CIAPIN1: variants seen among roughly 807,000 people sequenced by gnomAD.
CIAPIN1 encodes the protein anamorsin.
In CIAPIN1, 18 loss-of-function variants were observed where a neutral mutation model predicts 34.3. That is an observed-to-expected ratio of 0.52 (90% CI 0.36 to 0.78). The LOEUF is 0.78. Among genes scored for constraint, CIAPIN1 ranks in the 30% least tolerant of loss-of-function variants. CIAPIN1 has a pLI of 0.00. For missense variants in CIAPIN1, 310 were observed against 372.5 expected, an observed-to-expected ratio of 0.83 and a Z score of 1.38; for synonymous variants, 131 against 140.4, an observed-to-expected ratio of 0.93 and a Z score of 0.47.
chr16:57,445,203 T>A (rs1323434322), intron 1 of CIAPIN1, among the ~76,000 whole-genome samples: 1 of 152,034 alleles, frequency 6.6e-6, no homozygotes, highest in Non-Finnish European at 1.5e-5. Context: ...GAAAGGAAAA[T>A]CCTAATTAAA....
At chr16:57,429,657 A>G (rs373080030) in intron 8 of CIAPIN1, among the ~76,000 whole-genome samples, 4 of 151,438 alleles carry the variant, frequency 2.6e-5, no homozygotes. Context: ...ATGCCCGGCA[A>G]ATTTTTTTGT....
At chr16:57,432,220 A>G (rs138777889) in intron 6 of CIAPIN1, among the ~76,000 whole-genome samples, 11 of 152,264 alleles carry the variant, frequency 7.2e-5, no homozygotes, top group African/African-American at 2.4e-4. Flanking sequence ...AGGCTGAAAC[A>G]TGAGAATCGC....
intron 1 of CIAPIN1, among the ~76,000 whole-genome samples, chr16:57,442,897 C>T (rs540655677): frequency 6.6e-6 from 1 of 152,220 alleles, no homozygotes; most frequent in African/African-American, 2.4e-5. Context: ...TCCCACCATT[C>T]CAAAGTGATC....
chr16:57,447,275 A>C, intron 1 of CIAPIN1, 67 bp downstream of exon 1: 3 of 382,380 alleles, frequency 7.8e-6, no homozygotes, highest in Non-Finnish European at 4.6e-6. Context: ...GGATGTGGGA[A>C]CGAGGGTGGG....
chr16:57,429,801 T>A (rs1903045377), intron 8 of CIAPIN1, among the ~76,000 whole-genome samples: 1 of 150,882 alleles, frequency 6.6e-6, no homozygotes, highest in African/African-American at 2.4e-5. Context: ...CTTTTTTTTT[T>A]TTTGAGATGG....
chr16:57,430,854 C>CTGG (rs1281828689), intron 7 of CIAPIN1, among the ~76,000 whole-genome samples: 1 of 152,154 alleles, frequency 6.6e-6, no homozygotes, highest in African/African-American at 2.4e-5. Flanking sequence ...TAGTGGCTTA[C>CTGG]TGGTAGGGTT....
rs186520821 is a variant in CIAPIN1, at chr16:57,446,413, T to C, written c.-56+929A>G. Among the ~76,000 whole-genome samples, 111 of 152,302 alleles carry C rather than the reference T, an allele frequency of 7.3e-4. 1 individual carries two copies. The highest frequency in any genetic ancestry group is 6.8e-3 in the Middle Eastern group (2 of 294). ...CACCCGTGCAGGGGGGAGCCGGATA[T>C]TCTGAAAAGACTAGATTTGACAAGG... On this transcript the variant is annotated intron_variant, in intron 1 of 8. Coordinates refer to ENST00000394391, the MANE Select transcript of CIAPIN1 (RefSeq NM_020313.4).
chr16:57,430,046 AAGC>A (rs1271209732), intron 8 of CIAPIN1, among the ~76,000 whole-genome samples: 1 of 152,170 alleles, frequency 6.6e-6, no homozygotes, highest in African/African-American at 2.4e-5. Flanking sequence ...CAAAAATAAA[AAGC>A]AACAAGACCC....
chr16:57,442,130 G>A (rs538222717), intron 1 of CIAPIN1, among the ~76,000 whole-genome samples: 1 of 152,308 alleles, frequency 6.6e-6, no homozygotes, highest in African/African-American at 2.4e-5. Flanking sequence ...CGAATTGCCT[G>A]AGCCCAGGAG....
At chr16:57,441,068 G>A in intron 1 of CIAPIN1, 85 bp from the exon 2 acceptor site, 2 of 775,220 alleles carry the variant, frequency 2.6e-6, no homozygotes, top group South Asian at 1.9e-5. Flanking sequence ...CCGCCCACTA[G>A]GGAATGCTGA....
intron 2 of CIAPIN1, among the ~76,000 whole-genome samples, 160 bp from the exon 3 acceptor site, chr16:57,439,494 C>T (rs149105405): frequency 5.3e-5 from 8 of 152,148 alleles, no homozygotes; most frequent in Non-Finnish European, 1.2e-4. Flanking sequence ...TTTAAAAAAA[C>T]ATGGAATAGC....
intron 6 of CIAPIN1, chr16:57,431,617 T>A (rs1567570001): frequency 1.1e-5 from 2 of 174,836 alleles, no homozygotes. Flanking sequence ...AAGAGAGAAG[T>A]GTTTATGAAG....
intron 5 of CIAPIN1, among the ~76,000 whole-genome samples, chr16:57,432,991 A>G (rs1333358735): frequency 6.6e-6 from 1 of 152,250 alleles, no homozygotes; most frequent in Non-Finnish European, 1.5e-5. Context: ...ATTCTATAAC[A>G]TGAAGTTAAA....
intron 8 of CIAPIN1, among the ~76,000 whole-genome samples, chr16:57,429,535 A>G (rs1254616930): frequency 6.6e-6 from 1 of 152,002 alleles, no homozygotes; most frequent in African/African-American, 2.4e-5. Context: ...TCTGTCACCC[A>G]GGCTGGAGTG....
chr16:57,435,662 C>T (rs1050190652), intron 4 of CIAPIN1, among the ~76,000 whole-genome samples: 3 of 152,102 alleles, frequency 2.0e-5, no homozygotes, highest in Admixed American at 6.6e-5. Flanking sequence ...GGTGTGGTGG[C>T]GCACGCCTGT....
At chr16:57,431,706 AT>A (rs1343938525) in intron 6 of CIAPIN1, among the ~76,000 whole-genome samples, 3 of 152,230 alleles carry the variant, frequency 2.0e-5, no homozygotes, top group Non-Finnish European at 4.4e-5. Context: ...CCTTTATGTA[AT>A]TCTTTGTAAA....
At chr16:57,430,999 A>ATTTT in intron 7 of CIAPIN1, 152 bp downstream of exon 7, 1 of 420,844 alleles carries the variant, frequency 2.4e-6, no homozygotes, top group Non-Finnish European at 4.3e-6. Context: ...TGCCTGGCTA[A>ATTTT]TTTTTTTTTT....
At chr16:57,437,934 CT>C (rs1903241683) in intron 3 of CIAPIN1, among the ~76,000 whole-genome samples, 2 of 152,108 alleles carry the variant, frequency 1.3e-5, no homozygotes, top group African/African-American at 4.8e-5. Context: ...TCACTCTCTG[CT>C]TCTTGAAACC....
intron 1 of CIAPIN1, among the ~76,000 whole-genome samples, chr16:57,443,731 A>G (rs1174760415): frequency 6.6e-6 from 1 of 152,178 alleles, no homozygotes; most frequent in African/African-American, 2.4e-5. Context: ...GATTACAGAC[A>G]TGAGCCACCG....
Sources: gnomAD v4.1 joint callset for allele counts (sites outside exome capture counted in the v4.1 genomes callset) on GRCh38, gnomAD v4.1.1 for gene constraint, MANE v1.5 for transcripts, NCBI Gene and HGNC (gene_info 2026-07-23, HGNC 2026-07-21) for gene names.